Variants in GRB10 observed in about 807,000 individuals in gnomAD.
The protein encoded by GRB10 is growth factor receptor bound protein 10, also known as growth factor receptor-bound protein 10.
GRB10 carries 20 observed loss-of-function variants against 80.9 expected under a neutral mutation model. The ratio of observed to expected loss-of-function variants is 0.25; its 90% confidence interval spans 0.17 to 0.36. GRB10 has a LOEUF of 0.36. Ranked by LOEUF, GRB10 falls within the 10% of genes least tolerant of loss-of-function variation. GRB10 has a pLI of 1.00. For missense variants in GRB10, 548 were observed against 747.7 expected (o/e 0.73, Z 3.12); for synonymous variants, 291 against 291.5 (o/e 1.00, Z 0.02).
intron 5 of GRB10, among the ~76,000 whole-genome samples, chr7:50,688,954 C>A (rs1011093932): frequency 6.6e-6 from 1 of 152,128 alleles, no homozygotes; most frequent in Non-Finnish European, 1.5e-5. Flanking sequence ...AGGAAGTACT[C>A]CCAACCAAGG....
intron 1 of GRB10, chr7:50,792,595 GC>G (rs1430346274): frequency 5.0e-6 from 2 of 398,040 alleles, no homozygotes; most frequent in Non-Finnish European, 8.9e-6. Context: ...TAATCCGCGA[GC>G]CCTCAACTTG....
rs2045975712 is a variant in GRB10, at chr7:50,592,881, A to T, written c.*71T>A. ...GGTGCAGAATCGATGTGTGTTCTTC[A>T]CCAACGCACAGACCGCTTCTTCACT... On this transcript the variant is annotated 3_prime_UTR_variant, in exon 19 of 19. Coordinates refer to ENST00000401949, the MANE Select transcript of GRB10 (RefSeq NM_001350814.2). 4 of 1,546,360 alleles carry T rather than the reference A, an allele frequency of 2.6e-6. No homozygotes were observed. In the South Asian group the frequency reaches 4.5e-5, roughly 17 times the overall value.
intron 5 of GRB10, among the ~76,000 whole-genome samples, chr7:50,675,558 C>T (rs987816319): frequency 6.6e-6 from 1 of 152,174 alleles, no homozygotes; most frequent in South Asian, 2.1e-4. Context: ...CAGCCCATCA[C>T]CTGAAGACCT....
chr7:50,627,008 T>C (rs2053023412), intron 7 of GRB10, 30 bp from the exon 8 acceptor site: 3 of 1,611,022 alleles, frequency 1.9e-6, no homozygotes, highest in Non-Finnish European at 2.5e-6. Context: ...TAGTTACAGA[T>C]AAACAACTTC....
chr7:50,682,427 A>G (rs2061647712), intron 5 of GRB10, among the ~76,000 whole-genome samples: 1 of 152,212 alleles, frequency 6.6e-6, no homozygotes, highest in Non-Finnish European at 1.5e-5. Flanking sequence ...GGTCAGAGCC[A>G]TGATATCTGC....
At chr7:50,682,022 G>A (rs957851300) in intron 5 of GRB10, among the ~76,000 whole-genome samples, 4 of 152,178 alleles carry the variant, frequency 2.6e-5, no homozygotes, top group African/African-American at 9.7e-5. Context: ...GGAGATGGTA[G>A]GGGGCTTTGC....
At chr7:50,604,225 A>C in intron 16 of GRB10, 86 bp downstream of exon 16, 1 of 1,347,098 alleles carries the variant, frequency 7.4e-7, no homozygotes, top group Non-Finnish European at 1.1e-6. Flanking sequence ...GGCCACAGGC[A>C]AATTCGTAAG....
chr7:50,764,256 C>G (rs892611587), intron 2 of GRB10, among the ~76,000 whole-genome samples: 2 of 152,258 alleles, frequency 1.3e-5, no homozygotes, highest in Non-Finnish European at 2.9e-5. Flanking sequence ...ACCCTCTCCA[C>G]ATGGGTCTAT....
At chr7:50,607,219 T>C (rs1051220934) in intron 13 of GRB10, among the ~76,000 whole-genome samples, 1 of 152,232 alleles carries the variant, frequency 6.6e-6, no homozygotes, top group African/African-American at 2.4e-5. Context: ...CTATAGTTAA[T>C]TTTATGCAGT....
chr7:50,663,074 C>T (rs551569453), intron 7 of GRB10, among the ~76,000 whole-genome samples: 4 of 152,338 alleles, frequency 2.6e-5, no homozygotes, highest in Admixed American at 1.3e-4. Flanking sequence ...CCCTGCTCCA[C>T]GGGTGAGGAT....
intron 3 of GRB10, among the ~76,000 whole-genome samples, chr7:50,741,430 T>C (rs2071713596): frequency 6.6e-6 from 1 of 151,996 alleles, no homozygotes; most frequent in Non-Finnish European, 1.5e-5. Flanking sequence ...CCTCCCAGCC[T>C]GCATGCAGCT....
intron 6 of GRB10, 94 bp downstream of exon 6, chr7:50,674,342 A>G (rs1191511388): frequency 8.1e-7 from 1 of 1,235,792 alleles, no homozygotes; most frequent in African/African-American, 1.5e-5. Context: ...GACCAACACT[A>G]TTCCCCCCAA....
At chr7:50,593,669 G>A (rs1275256532) in intron 18 of GRB10, among the ~76,000 whole-genome samples, 1 of 152,192 alleles carries the variant, frequency 6.6e-6, no homozygotes, top group African/African-American at 2.4e-5. Flanking sequence ...CTCCCAGAGA[G>A]AATCATATTC....
chr7:50,731,620 C>T (rs2069744385), intron 4 of GRB10, among the ~76,000 whole-genome samples: 4 of 152,290 alleles, frequency 2.6e-5, no homozygotes, highest in Middle Eastern at 3.4e-3. Context: ...TCTGTCTACA[C>T]CAAGTGAAAG....
chr7:50,754,012 G>A (rs532910499), intron 3 of GRB10, among the ~76,000 whole-genome samples: 1 of 152,280 alleles, frequency 6.6e-6, no homozygotes, highest in East Asian at 1.9e-4. Flanking sequence ...AGCATCACTC[G>A]CAACAAATCT....
intron 7 of GRB10, among the ~76,000 whole-genome samples, chr7:50,660,072 C>T (rs1297070465): frequency 6.6e-6 from 1 of 152,166 alleles, no homozygotes; most frequent in Non-Finnish European, 1.5e-5. Context: ...CTCGTGGTCA[C>T]TCCTGATGAA....
At chr7:50,624,811 A>G (rs1037126306) in intron 8 of GRB10, among the ~76,000 whole-genome samples, 1 of 151,960 alleles carries the variant, frequency 6.6e-6, no homozygotes, top group Admixed American at 6.6e-5. Context: ...GAGGTTCGTT[A>G]TTTTTTTATT....
chr7:50,700,683 C>T (rs746410457), intron 5 of GRB10, among the ~76,000 whole-genome samples: 1 of 152,132 alleles, frequency 6.6e-6, no homozygotes, highest in Non-Finnish European at 1.5e-5. Flanking sequence ...TCTAAATGAT[C>T]GATATTTCCA....
At chr7:50,665,723 A>G (rs1489830225) in intron 7 of GRB10, among the ~76,000 whole-genome samples, 2 of 152,194 alleles carry the variant, frequency 1.3e-5, no homozygotes, top group African/African-American at 2.4e-5. Flanking sequence ...CAGACCCAGA[A>G]GAGGAAGCAG....
Sources: gnomAD v4.1 joint callset for allele counts (sites outside exome capture counted in the v4.1 genomes callset) on GRCh38, gnomAD v4.1.1 for gene constraint, MANE v1.5 for transcripts, NCBI Gene and HGNC (gene_info 2026-07-23, HGNC 2026-07-21) for gene names.